PBRM1: variants seen among roughly 807,000 people sequenced by gnomAD.
PBRM1 encodes the protein polybromo 1, also known as protein polybromo-1.
PBRM1 carries 27 observed loss-of-function variants against 194.5 expected under a neutral mutation model. The ratio of observed to expected loss-of-function variants is 0.14; its 90% CI spans 0.10 to 0.19. The LOEUF (loss-of-function observed/expected upper bound fraction) is 0.19. Among genes scored for constraint, PBRM1 ranks in the 10% least tolerant of loss-of-function variants. The probability of loss-of-function intolerance (pLI) is 1.00; values close to 1 mark genes in which losing one functional copy is unlikely to be tolerated. For synonymous variants in PBRM1, 655 were observed against 693.2 expected (o/e 0.94, Z 0.87); for missense variants, 1,466 against 2,077.2 (o/e 0.71, Z 5.72).
intron 9 of PBRM1, 40 bp from the exon 11 acceptor site, chr3:52,642,085 TATA>T (rs1460818215): frequency 1.9e-6 from 2 of 1,028,200 alleles, no homozygotes; most frequent in Non-Finnish European, 3.0e-6. Context: ...GGAAGGATGT[TATA>T]ATAATTAGGT....
intron 22 of PBRM1, among the ~76,000 whole-genome samples, chr3:52,575,035 G>A (rs533753803): frequency 6.6e-6 from 1 of 151,966 alleles, no homozygotes; most frequent in Non-Finnish European, 1.5e-5. Flanking sequence ...CTGAGTAGCT[G>A]GGACCATGGA....
intron 20 of PBRM1, among the ~76,000 whole-genome samples, chr3:52,584,319 CAA>C (rs766278459): frequency 6.6e-6 from 1 of 151,956 alleles, no homozygotes; most frequent in Non-Finnish European, 1.5e-5. Context: ...ACTTTACTTT[CAA>C]AAGTCTTACT....
At chr3:52,660,901 T>G (rs1013884660) in intron 4 of PBRM1, among the ~76,000 whole-genome samples, 3 of 152,222 alleles carry the variant, frequency 2.0e-5, no homozygotes, top group African/African-American at 7.2e-5. Flanking sequence ...AAAAGGCCTA[T>G]GTAGATAAGT....
At chr3:52,627,098 C>T (rs1197279965) in intron 13 of PBRM1, among the ~76,000 whole-genome samples, 175 bp downstream of exon 14, 1 of 151,676 alleles carries the variant, frequency 6.6e-6, no homozygotes, top group East Asian at 1.9e-4. Context: ...AGTAACATGG[C>T]ACTTTTACAA....
chr3:52,623,307 T>C (rs2095340730), intron 13 of PBRM1, among the ~76,000 whole-genome samples: 1 of 152,136 alleles, frequency 6.6e-6, no homozygotes, highest in African/African-American at 2.4e-5. Flanking sequence ...TCCTAAAAAA[T>C]AACAGCTGGC....
chr3:52,601,002 AT>A (rs1022705066), intron 17 of PBRM1, among the ~76,000 whole-genome samples: 3 of 152,116 alleles, frequency 2.0e-5, no homozygotes, highest in African/African-American at 7.2e-5. Context: ...AGGTGTAATT[AT>A]TTCCTTGCTT....
chr3:52,621,028 T>TAA (rs1232776379), intron 13 of PBRM1, among the ~76,000 whole-genome samples: 2 of 152,182 alleles, frequency 1.3e-5, no homozygotes, highest in African/African-American at 2.4e-5. Flanking sequence ...AATAACTGTA[T>TAA]TAGGTTGGGC....
intron 4 of PBRM1, 108 bp downstream of exon 5, chr3:52,662,025 A>T: frequency 9.0e-7 from 1 of 1,107,612 alleles, no homozygotes; most frequent in South Asian, 1.6e-5. Flanking sequence ...TACCAATACA[A>T]TTGCACAGGA....
chr3:52,615,990 G>A (rs926036098), intron 14 of PBRM1, among the ~76,000 whole-genome samples: 1 of 152,072 alleles, frequency 6.6e-6, no homozygotes, highest in African/African-American at 2.4e-5. Context: ...CAAGAATAAG[G>A]TTACTCACCT....
At chr3:52,685,677 G>A (rs913775465) in intron 1 of PBRM1, 72 bp downstream of exon 1, 1 of 147,290 alleles carries the variant, frequency 6.8e-6, no homozygotes, top group Non-Finnish European at 1.5e-5. Context: ...GCTCCCGCCC[G>A]CCCGGGCCCA....
At chr3:52,613,507 A>G (rs1011218592) in intron 15 of PBRM1, among the ~76,000 whole-genome samples, 11 of 151,766 alleles carry the variant, frequency 7.2e-5, no homozygotes, top group African/African-American at 2.4e-4. Context: ...ACGCCTGGCT[A>G]ATTTTTTATA....
At chr3:52,637,387 T>C (rs936895176) in intron 10 of PBRM1, among the ~76,000 whole-genome samples, 1 of 151,930 alleles carries the variant, frequency 6.6e-6, no homozygotes, top group Non-Finnish European at 1.5e-5. Flanking sequence ...ACCCCAACAA[T>C]TCGAGAGGCA....
intron 13 of PBRM1, among the ~76,000 whole-genome samples, chr3:52,622,538 T>C (rs1443337951): frequency 6.6e-6 from 1 of 152,180 alleles, no homozygotes; most frequent in Non-Finnish European, 1.5e-5. Context: ...GGCTGCTTTT[T>C]CTAATTTGCA....
At chr3:52,657,453 G>A (rs914560622) in intron 5 of PBRM1, among the ~76,000 whole-genome samples, 4 of 152,028 alleles carry the variant, frequency 2.6e-5, no homozygotes, top group African/African-American at 7.2e-5. Context: ...TCTCTTGGGG[G>A]CCTCCAACAT....
chr3:52,643,260 C>G, exon 9 of PBRM1: 4 of 1,611,236 alleles, frequency 2.5e-6, no homozygotes, highest in Non-Finnish European at 3.4e-6. Flanking sequence ...GTAATACTTG[C>G]TAGTGGGATT....
intron 13 of PBRM1, among the ~76,000 whole-genome samples, chr3:52,626,185 T>C (rs1202010026): frequency 2.0e-5 from 3 of 152,312 alleles, no homozygotes; most frequent in African/African-American, 7.2e-5. Context: ...TTTGATCTGG[T>C]TTCACACTTT....
At chr3:52,642,653 T>G (rs545220317) in intron 9 of PBRM1, among the ~76,000 whole-genome samples, 1 of 151,214 alleles carries the variant, frequency 6.6e-6, no homozygotes, top group African/African-American at 2.4e-5. Flanking sequence ...AACAAAAAAT[T>G]CTATTATGAA....
chr3:52,670,932 T>C (rs1292450901), intron 2 of PBRM1, among the ~76,000 whole-genome samples: 1 of 152,234 alleles, frequency 6.6e-6, no homozygotes, highest in Non-Finnish European at 1.5e-5. Context: ...TGCAGCTAGA[T>C]TCTAGCCAAT....
chr3:52,548,195 G>A (rs750173924), exon 30 of PBRM1: 136 of 1,605,624 alleles, frequency 8.5e-5, no homozygotes, highest in Non-Finnish European at 1.1e-4. Context: ...AGGGTAGGCG[G>A]CTCTCCTGTT....
Sources: gnomAD v4.1 joint callset for allele counts (sites outside exome capture counted in the v4.1 genomes callset) on GRCh38, gnomAD v4.1.1 for gene constraint, MANE v1.5 for transcripts, NCBI Gene and HGNC (gene_info 2026-07-23, HGNC 2026-07-21) for gene names.